DMD: variants seen among roughly 807,000 people sequenced by gnomAD.
DMD encodes dystrophin.
Under a neutral mutation model 330.1 loss-of-function variants are expected in DMD, and 63 were observed. That is an observed-to-expected ratio of 0.19 (90% CI 0.16 to 0.24). The LOEUF (loss-of-function observed/expected upper bound fraction) is 0.24, where lower values mean the gene tolerates loss of function less well. Among genes scored for constraint, DMD ranks in the 10% least tolerant of loss-of-function variants. DMD has a pLI of 1.00. For synonymous variants in DMD, 1,223 were observed against 959.8 expected, an observed-to-expected ratio of 1.27 and a Z score of -5.07; for missense variants, 3,344 against 2,684.1, an observed-to-expected ratio of 1.25 and a Z score of -5.43.
chrX:32,529,832 G>T (rs1472791297), intron 17 of DMD, among the ~76,000 whole-genome samples: 1 of 111,337 alleles, frequency 9.0e-6, no homozygotes, highest in Admixed American at 9.5e-5. Flanking sequence ...GGAACAATGT[G>T]ACAGATGACA....
intron 2 of DMD, among the ~76,000 whole-genome samples, chrX:32,883,473 T>G (rs778902595): frequency 9.0e-6 from 1 of 111,102 alleles, no homozygotes; most frequent in East Asian, 2.8e-4. Context: ...TTTTAAAAAA[T>G]TGTCATTCTA....
intron 55 of DMD, among the ~76,000 whole-genome samples, chrX:31,567,816 C>T (rs2075551270): frequency 9.0e-6 from 1 of 110,934 alleles, no homozygotes; most frequent in Non-Finnish European, 1.9e-5. Context: ...AGCCAGTTCC[C>T]ACAGAGTAAT....
At chrX:32,310,600 A>G (rs1399181603) in intron 41 of DMD, among the ~76,000 whole-genome samples, 2 of 111,056 alleles carry the variant, frequency 1.8e-5, no homozygotes, top group Non-Finnish European at 3.8e-5. Context: ...CGGCATTTAA[A>G]TTTCTAATTC....
intron 45 of DMD, among the ~76,000 whole-genome samples, chrX:31,946,138 C>G (rs2095083396): frequency 8.9e-6 from 1 of 112,089 alleles, no homozygotes; most frequent in African/African-American, 3.2e-5. Flanking sequence ...CTAAGAAGAG[C>G]AGTGGATCTT....
At chrX:32,596,579 G>A (rs5928036) in intron 12 of DMD, among the ~76,000 whole-genome samples, 14,473 of 108,406 alleles carry the variant, frequency 0.13, 760 homozygotes, top group Middle Eastern at 0.16. Context: ...GATTCTCACT[G>A]TGTCACCCAG....
intron 44 of DMD, among the ~76,000 whole-genome samples, chrX:32,085,648 A>ACATATATACGTATATATATACG (rs1360350380): frequency 2.8e-5 from 2 of 71,624 alleles, no homozygotes; most frequent in African/African-American, 5.3e-5. Flanking sequence ...ACGTATATAT[A>ACATATATACGTATATATATACG]TGTGTGTATA....
At chrX:32,874,317 TAC>T (rs1443479758) in intron 2 of DMD, among the ~76,000 whole-genome samples, 2 of 112,045 alleles carry the variant, frequency 1.8e-5, no homozygotes, top group African/African-American at 6.5e-5. Flanking sequence ...TCTCTATTGA[TAC>T]AAAGATTGAG....
intron 62 of DMD, among the ~76,000 whole-genome samples, chrX:31,278,312 C>A (rs565852070): frequency 9.0e-6 from 1 of 111,509 alleles, no homozygotes; most frequent in Non-Finnish European, 1.9e-5. Flanking sequence ...AAGAAGTTGA[C>A]GGAAGACAGT....
At chrX:32,251,044 G>T (rs1002919734) in intron 43 of DMD, among the ~76,000 whole-genome samples, 5 of 109,667 alleles carry the variant, frequency 4.6e-5, no homozygotes, top group African/African-American at 1.7e-4. Context: ...CCTGTTGGGG[G>T]TGGGGGGCTA....
At chrX:33,248,072 C>T (rs1011747170) in intron 1 of DMD, among the ~76,000 whole-genome samples, 51 of 111,130 alleles carry the variant, frequency 4.6e-4, no homozygotes, top group Non-Finnish European at 8.3e-4. Flanking sequence ...GATGGAGCCT[C>T]GCTCTGTGGC....
rs72467955 is a variant in DMD, at chrX:31,267,105, GAGAA to G, written c.9225-6093_9225-6090del. Among the ~76,000 whole-genome samples the G allele has an allele frequency of 0.012, 1,303 of 105,879 alleles. 9 individuals are homozygous for G. The highest frequency in any genetic ancestry group is 0.062 in the East Asian group (212 of 3,411). The allele number at this position is 105,879 out of a possible 115,157, so 91.9% of individuals were successfully genotyped here. A position where few individuals can be genotyped will look rare whatever the true frequency, so the allele number is the denominator to read the frequency against. On this transcript the variant is annotated intron_variant, in intron 62 of 78. Coordinates refer to ENST00000357033, the MANE Select transcript of DMD (RefSeq NM_004006.3). ...TTCAAAACGGAAAGGAAAAAGAAAA[GAGAA>G]AGAAAGAAAGAAAGAAAGAAAGAAA...
rs2040214526 is a variant in DMD at position 31,173,536 on chromosome X, T to C, written c.10328+3A>G. On this transcript the variant is annotated splice_donor_region_variant and intron_variant, in intron 72 of 78. Coordinates refer to ENST00000357033, the MANE Select transcript of DMD (RefSeq NM_004006.3). ...TTTGCCTGGCATACAACTAGTCTCA[T>C]ACCTGCTAGCATAATGTTCAATGCG... The C allele has an allele frequency of 8.3e-7, 1 of 1,209,075 alleles. No individual in the cohort carries two copies. Among genetic ancestry groups the C allele is most frequent in the Non-Finnish European group, 1.1e-6 (1 of 893,223 alleles).
At chrX:32,462,190 A>G (rs891043814) in intron 25 of DMD, among the ~76,000 whole-genome samples, 1 of 111,223 alleles carries the variant, frequency 9.0e-6, no homozygotes, top group African/African-American at 3.3e-5. Flanking sequence ...ACCTAACCCT[A>G]TATACACTAG....
intron 7 of DMD, among the ~76,000 whole-genome samples, chrX:32,773,921 T>A (rs1249684234): frequency 8.9e-6 from 1 of 111,946 alleles, no homozygotes; most frequent in Non-Finnish European, 1.9e-5. Flanking sequence ...GCTCTGGGCT[T>A]TAGTTTACAC....
At chrX:32,565,054 C>T (rs1015076005) in intron 16 of DMD, among the ~76,000 whole-genome samples, 7 of 111,367 alleles carry the variant, frequency 6.3e-5, no homozygotes, top group African/African-American at 1.6e-4. Flanking sequence ...CAACTTTTAA[C>T]GATACCCCAT....
rs1556965923 is a variant in DMD at position 31,879,217 on chromosome X, G to GT, written c.6913-3845_6913-3844insA. On this transcript the variant is annotated intron_variant, in intron 47 of 78. Coordinates refer to ENST00000357033, the MANE Select transcript of DMD (RefSeq NM_004006.3). Reference sequence around the variant, plus strand: ...CTCACCATTCTACATGGCGGGGGGGGGCCTCACAATCATGGCAGAAGGCAA... The same window carrying GT: ...CTCACCATTCTACATGGCGGGGGGGGTGCCTCACAATCATGGCAGAAGGCAA... Among the ~76,000 whole-genome samples, 7,467 of 103,808 alleles carry GT rather than the reference G, an allele frequency of 0.072. 291 individuals carry two copies. Among genetic ancestry groups the GT allele is most frequent in the Non-Finnish European group, 0.11 (5,553 of 50,461 alleles). The allele number at this position is 103,808 out of a possible 115,157, so 90.1% of individuals were successfully genotyped here. A position where few individuals can be genotyped will look rare whatever the true frequency, so the allele number is the denominator to read the frequency against.
chrX:31,249,908 C>T (rs2049177061), intron 63 of DMD, among the ~76,000 whole-genome samples: 1 of 111,516 alleles, frequency 9.0e-6, no homozygotes, highest in African/African-American at 3.3e-5. Flanking sequence ...TGTTACCTTA[C>T]ATATGTCATT....
intron 55 of DMD, among the ~76,000 whole-genome samples, chrX:31,592,168 G>A (rs2076904203): frequency 9.2e-6 from 1 of 109,134 alleles, no homozygotes; most frequent in Non-Finnish European, 1.9e-5. Flanking sequence ...CTAGTCCAGT[G>A]CCCAACATAT....
At chrX:31,351,927 G>C (rs1370993413) in intron 60 of DMD, among the ~76,000 whole-genome samples, 2 of 106,113 alleles carry the variant, frequency 1.9e-5, no homozygotes, top group East Asian at 5.7e-4. Flanking sequence ...ACTGAGGCAT[G>C]AGAGGTTAAA....
Sources: gnomAD v4.1 joint callset for allele counts (sites outside exome capture counted in the v4.1 genomes callset) on GRCh38, gnomAD v4.1.1 for gene constraint, MANE v1.5 for transcripts, NCBI Gene and HGNC (gene_info 2026-07-23, HGNC 2026-07-21) for gene names.